The following DOCK3 variants were observed in gnomAD, a reference collection of about 807,000 sequenced individuals.
DOCK3 encodes the protein dedicator of cytokinesis 3, also known as dedicator of cytokinesis protein 3.
DOCK3 carries 60 observed loss-of-function variants against 265.6 expected under a neutral mutation model. The observed-to-expected ratio is 0.23, with a 90% CI of 0.18 to 0.28. The LOEUF (loss-of-function observed/expected upper bound fraction) is 0.28. DOCK3 is among the 10% of genes least tolerant of loss of function. The pLI is 1.00. For missense variants in DOCK3, 1,981 were observed against 2,594.3 expected (o/e 0.76, Z 5.14); for synonymous variants, 881 against 938.0 (o/e 0.94, Z 1.11).
chr3:51,272,298 A>G (rs1482457644), intron 24 of DOCK3, among the ~76,000 whole-genome samples: 1 of 143,064 alleles, frequency 7.0e-6, no homozygotes, highest in Non-Finnish European at 1.5e-5. Context: ...TTTTTTTGAG[A>G]CGGAGTCTCG....
At chr3:50,751,268 TTTTAAC>T (rs201419176) in intron 1 of DOCK3, among the ~76,000 whole-genome samples, 23 of 149,624 alleles carry the variant, frequency 1.5e-4, no homozygotes, top group Non-Finnish European at 1.8e-4. Flanking sequence ...CTTTTTTTTT[TTTTAAC>T]TTTAAGTTCT....
intron 1 of DOCK3, among the ~76,000 whole-genome samples, chr3:50,694,505 G>A (rs555993819): frequency 2.0e-5 from 3 of 152,010 alleles, no homozygotes; most frequent in African/African-American, 4.8e-5. Flanking sequence ...TGGGTGGAGC[G>A]CATTAAAGAA....
intron 9 of DOCK3, among the ~76,000 whole-genome samples, chr3:51,119,763 T>TA (rs1481476375): frequency 6.6e-6 from 1 of 151,956 alleles, no homozygotes; most frequent in Non-Finnish European, 1.5e-5. Flanking sequence ...CAGCTATTGA[T>TA]ACTTGTGTAT....
intron 3 of DOCK3, among the ~76,000 whole-genome samples, chr3:50,879,886 G>A (rs1410992878): frequency 2.0e-5 from 3 of 152,120 alleles, no homozygotes; most frequent in Non-Finnish European, 4.4e-5. Context: ...TGGAAGTAAA[G>A]CACTCCTCAG....
chr3:51,212,339 A>G (rs377343501), intron 13 of DOCK3, among the ~76,000 whole-genome samples: 1 of 151,922 alleles, frequency 6.6e-6, no homozygotes, highest in East Asian at 1.9e-4. Flanking sequence ...GCTTCTGTAC[A>G]CCATTTTGGT....
Position 51,383,060 on chromosome 3 carries a change from G to T in DOCK3, c.*1501G>T, listed in dbSNP as rs2088761466. 1 of 152,168 alleles carries T rather than the reference G, an allele frequency of 6.6e-6. No individual in the cohort carries two copies. The highest frequency in any genetic ancestry group is 2.4e-5 in the African/African-American group (1 of 41,422). The allele number at this position is 152,168 out of a possible 1,614,324, so 9.4% of individuals were successfully genotyped here. On this transcript the variant is annotated 3_prime_UTR_variant, in exon 53 of 53. Transcript: ENST00000266037. ...TATTGCCCCCAGTTCCTCTTCTGCT[G>T]GCCTGTATGACCTCCACAGCCAGGC...
Position 50,698,517 on chromosome 3 carries a change from G to GTTTTTTTTTTT in DOCK3, c.37+23232_37+23242dup. Among the ~76,000 whole-genome samples, 8 of 19,516 alleles carry GTTTTTTTTTTT rather than the reference G, an allele frequency of 4.1e-4. 1 individual carries two copies. The highest frequency in any genetic ancestry group is 8.1e-3 in the South Asian group (2 of 248). The allele number at this position is 19,516 out of a possible 152,430, so 12.8% of individuals were successfully genotyped here. On this transcript the variant is annotated intron_variant, in intron 1 of 52. Transcript: ENST00000266037. The stretch of plus-strand genomic sequence containing the variant: ...GTTTCTCTGTGGATGTATGTTTTTG[G>GTTTTTTTTTTT]TTTTTTTTTTTTTTTTTTTTTTTTT...
chr3:50,787,018 A>C, intron 2 of DOCK3: 1 of 740,840 alleles, frequency 1.3e-6, no homozygotes, highest in Non-Finnish European at 2.6e-6. Context: ...ATTTTTTCTC[A>C]CAAATTTCAC....
At chr3:51,298,840 C>A (rs1245546503) in intron 27 of DOCK3, among the ~76,000 whole-genome samples, 2 of 152,104 alleles carry the variant, frequency 1.3e-5, no homozygotes, top group Non-Finnish European at 1.5e-5. Context: ...GATTCCATGT[C>A]TTTGCTATTG....
intron 5 of DOCK3, among the ~76,000 whole-genome samples, chr3:50,983,482 G>A (rs1242911515): frequency 6.6e-6 from 1 of 152,122 alleles, no homozygotes; most frequent in South Asian, 2.1e-4. Flanking sequence ...CTGGACAGAC[G>A]ATGGGATGAC....
chr3:51,380,322 C>T, intron 52 of DOCK3, 115 bp downstream of exon 52: 1 of 1,011,560 alleles, frequency 9.9e-7, no homozygotes, highest in Non-Finnish European at 1.4e-6. Context: ...ACCTCTCTCC[C>T]CAGCCTGGCA....
chr3:50,996,564 A>G (rs1436296320), intron 5 of DOCK3, among the ~76,000 whole-genome samples: 3 of 151,900 alleles, frequency 2.0e-5, no homozygotes, highest in South Asian at 2.1e-4. Context: ...TACGTATATG[A>G]TAATAAACCC....
chr3:51,253,089 T>G (rs2079348332), intron 22 of DOCK3, among the ~76,000 whole-genome samples: 1 of 152,266 alleles, frequency 6.6e-6, no homozygotes, highest in African/African-American at 2.4e-5. Context: ...TTGAATTTTG[T>G]CAAAGGACTT....
At chr3:51,283,712 A>G (rs2081261474) in intron 27 of DOCK3, among the ~76,000 whole-genome samples, 1 of 152,136 alleles carries the variant, frequency 6.6e-6, no homozygotes, top group South Asian at 2.1e-4. Context: ...TCCTGGAAGG[A>G]GTTTGTCCAT....
chr3:51,107,553 G>T (rs985971209), intron 9 of DOCK3, among the ~76,000 whole-genome samples: 1 of 152,178 alleles, frequency 6.6e-6, no homozygotes, highest in Non-Finnish European at 1.5e-5. Context: ...TCTAGAAGAA[G>T]TATTAACAGC....
chr3:51,136,482 C>T (rs954142090), intron 9 of DOCK3, among the ~76,000 whole-genome samples: 5 of 152,038 alleles, frequency 3.3e-5, no homozygotes, highest in African/African-American at 9.7e-5. Context: ...TTGTGATCCA[C>T]CCGTCTCGGC....
intron 5 of DOCK3, among the ~76,000 whole-genome samples, chr3:50,969,496 G>C (rs907699582): frequency 3.3e-5 from 5 of 152,132 alleles, no homozygotes; most frequent in African/African-American, 1.2e-4. Flanking sequence ...ATTGATACAT[G>C]AGGTTTTGTT....
At chr3:51,012,635 G>T (rs117909721) in intron 5 of DOCK3, among the ~76,000 whole-genome samples, 1 of 152,190 alleles carries the variant, frequency 6.6e-6, no homozygotes, top group East Asian at 1.9e-4. Flanking sequence ...CTCACACCCG[G>T]TGGACTGCAC....
intron 46 of DOCK3, 109 bp downstream of exon 46, chr3:51,358,186 C>T (rs1217230072): frequency 5.2e-6 from 6 of 1,144,750 alleles, no homozygotes; most frequent in Non-Finnish European, 7.5e-6. Flanking sequence ...TGGGCAGGGG[C>T]CGGGGTTGGG....
Sources: allele counts gnomAD v4.1 joint callset (sites outside exome capture counted in the v4.1 genomes callset), GRCh38; gene constraint gnomAD v4.1.1; transcripts MANE v1.5; gene names NCBI Gene and HGNC (gene_info 2026-07-23, HGNC 2026-07-21).